CDH18: variants seen among roughly 807,000 people sequenced by gnomAD.
The protein encoded by CDH18 is cadherin-18.
A neutral mutation model predicts 67.9 loss-of-function variants in CDH18; 31 were observed. The ratio of observed to expected loss-of-function variants is 0.46; its 90% CI spans 0.34 to 0.62. The LOEUF (loss-of-function observed/expected upper bound fraction) is 0.62. CDH18 is among the 20% of genes least tolerant of loss of function. CDH18 has a pLI of 0.01. For missense variants in CDH18, 890 were observed against 975.5 expected (o/e 0.91, Z 1.17); for synonymous variants, 362 against 347.2 (o/e 1.04, Z -0.48).
chr5:20,106,152 A>G (rs1346233802), intron 2 of CDH18, among the ~76,000 whole-genome samples: 1 of 151,994 alleles, frequency 6.6e-6, no homozygotes, highest in African/African-American at 2.4e-5. Context: ...ACAGTTCCCA[A>G]CCCTCTGGCT....
At chr5:20,069,330 G>C (rs537119932) in intron 2 of CDH18, among the ~76,000 whole-genome samples, 7 of 151,956 alleles carry the variant, frequency 4.6e-5, no homozygotes, top group Non-Finnish European at 8.8e-5. Context: ...TCTCAGAAAG[G>C]CTTCTTGGTC....
chr5:19,717,811 T>G (rs1765520706), intron 5 of CDH18, among the ~76,000 whole-genome samples: 1 of 152,054 alleles, frequency 6.6e-6, no homozygotes. Flanking sequence ...AAATGTTTTC[T>G]TCCTATGAAT....
At chr5:19,709,662 A>T (rs1764452302) in intron 5 of CDH18, among the ~76,000 whole-genome samples, 1 of 151,756 alleles carries the variant, frequency 6.6e-6, no homozygotes. Flanking sequence ...AGAAAGAGAG[A>T]AAGAAAGAAA....
intron 2 of CDH18, among the ~76,000 whole-genome samples, chr5:20,009,019 A>C (rs1171689755): frequency 6.6e-6 from 1 of 152,148 alleles, no homozygotes; most frequent in Non-Finnish European, 1.5e-5. Context: ...AGGACGCATA[A>C]GATGTACTGA....
chr5:20,180,569 C>G (rs1737605638), intron 2 of CDH18, among the ~76,000 whole-genome samples: 1 of 152,150 alleles, frequency 6.6e-6, no homozygotes, highest in African/African-American at 2.4e-5. Flanking sequence ...TACCGTACTT[C>G]TACACACAAA....
At chr5:20,276,426 C>T (rs1745816622) in intron 1 of CDH18, among the ~76,000 whole-genome samples, 1 of 152,172 alleles carries the variant, frequency 6.6e-6, no homozygotes, top group African/African-American at 2.4e-5. Flanking sequence ...TATTTCTAGA[C>T]CCACAATGGG....
Position 19,960,561 on chromosome 5 carries a change from A to ATGTGTGTG in CDH18, c.-257+20491_-257+20498dup, listed in dbSNP as rs146985982. Among the ~76,000 whole-genome samples the ATGTGTGTG allele has an allele frequency of 3.2e-4, 39 of 121,528 alleles. 1 individual carries two copies. The East Asian group carries it at 5.0e-3, about 16-fold the overall frequency. The allele number at this position is 121,528 out of a possible 152,430, so 79.7% of individuals were successfully genotyped here. The stretch of plus-strand genomic sequence containing the variant: ...GTTTAATATACGTGTGTGTGTGTGT[A>ATGTGTGTG]TGTGTGTGTGTGTGTGTGTGTGTGT... On this transcript the variant is annotated intron_variant, in intron 2 of 12. Transcript: ENST00000382275.
intron 5 of CDH18, among the ~76,000 whole-genome samples, chr5:19,627,479 T>C (rs1341314189): frequency 6.6e-6 from 1 of 152,202 alleles, no homozygotes; most frequent in African/African-American, 2.4e-5. Context: ...ATATTATCAG[T>C]ATTCAACAGA....
intron 3 of CDH18, among the ~76,000 whole-genome samples, chr5:19,748,112 C>CA (rs766955714): frequency 0.018 from 271 of 14,854 alleles, 42 homozygotes; most frequent in African/African-American, 0.046. Flanking sequence ...GACTCCATCT[C>CA]AAAAAAAAAA....
At chr5:19,581,462 C>T (rs531622888) in intron 7 of CDH18, among the ~76,000 whole-genome samples, 8 of 151,998 alleles carry the variant, frequency 5.3e-5, no homozygotes, top group African/African-American at 1.4e-4. Flanking sequence ...CTATTATATT[C>T]TTCTCTGGAA....
intron 2 of CDH18, among the ~76,000 whole-genome samples, chr5:20,214,610 A>G (rs531342755): frequency 1.1e-3 from 162 of 152,214 alleles, no homozygotes; most frequent in African/African-American, 3.6e-3. Context: ...CCTAGTCAAT[A>G]AATGGTGCTA....
intron 8 of CDH18, among the ~76,000 whole-genome samples, chr5:19,568,678 G>C (rs925252739): frequency 6.6e-6 from 1 of 152,080 alleles, no homozygotes; most frequent in Admixed American, 6.6e-5. Flanking sequence ...TGAAAATATA[G>C]GGAGAAGAGG....
At chr5:19,989,761 A>C (rs1799877434), upstream of CDH18, among the ~76,000 whole-genome samples, 1 of 152,150 alleles carries the variant, frequency 6.6e-6, no homozygotes, top group Non-Finnish European at 1.5e-5. Context: ...TGAAATGTGG[A>C]AGGATTTAAT....
At chr5:20,177,707 G>T (rs553074024) in intron 2 of CDH18, among the ~76,000 whole-genome samples, 34 of 152,062 alleles carry the variant, frequency 2.2e-4, no homozygotes, top group Non-Finnish European at 4.6e-4. Context: ...ATTCCCATGT[G>T]TTGTTGGAGG....
intron 1 of CDH18, among the ~76,000 whole-genome samples, chr5:20,503,935 G>A (rs897538799): frequency 2.6e-5 from 4 of 151,960 alleles, no homozygotes; most frequent in Admixed American, 2.0e-4. Flanking sequence ...CTACTCAGGA[G>A]GCTAAGGCAG....
chr5:19,561,576 G>A (rs576087422), intron 8 of CDH18, among the ~76,000 whole-genome samples: 2 of 152,020 alleles, frequency 1.3e-5, no homozygotes, highest in South Asian at 4.1e-4. Context: ...GGTGATGGGT[G>A]CACCAAAATA....
At chr5:19,683,892 T>C (rs541875683) in intron 5 of CDH18, among the ~76,000 whole-genome samples, 2 of 152,254 alleles carry the variant, frequency 1.3e-5, no homozygotes, top group Admixed American at 6.6e-5. Flanking sequence ...GCAGATTTCT[T>C]AGGCAGTGCC....
At chr5:19,751,227 G>A (rs985876588) in intron 3 of CDH18, among the ~76,000 whole-genome samples, 7 of 152,082 alleles carry the variant, frequency 4.6e-5, no homozygotes, top group Non-Finnish European at 8.8e-5. Context: ...CTAATGCAAA[G>A]TTCATCAATA....
chr5:19,785,276 A>G (rs1775575449), intron 3 of CDH18, among the ~76,000 whole-genome samples: 1 of 152,038 alleles, frequency 6.6e-6, no homozygotes, highest in African/African-American at 2.4e-5. Context: ...GGACTGATCC[A>G]TCACATAATA....
Sources: allele counts gnomAD v4.1 joint callset (sites outside exome capture counted in the v4.1 genomes callset), GRCh38; gene constraint gnomAD v4.1.1; transcripts MANE v1.5; gene names NCBI Gene and HGNC (gene_info 2026-07-23, HGNC 2026-07-21).